NALF1: variants seen among roughly 807,000 people sequenced by gnomAD.
The protein encoded by NALF1 is family with sequence similarity 155 member A.
A neutral mutation model predicts 48.4 loss-of-function variants in NALF1; 3 were observed. The ratio of observed to expected loss-of-function variants is 0.06; its 90% CI spans 0.03 to 0.16. NALF1 has a LOEUF of 0.16. Among genes scored for constraint, NALF1 ranks in the 10% least tolerant of loss-of-function variants. The pLI is 1.00. For synonymous variants in NALF1, 262 were observed against 245.7 expected, an observed-to-expected ratio of 1.07 and a Z score of -0.62; for missense variants, 526 against 571.5, an observed-to-expected ratio of 0.92 and a Z score of 0.81.
At chr13:107,298,585 C>T (rs1881772692) in intron 1 of NALF1, among the ~76,000 whole-genome samples, 1 of 151,692 alleles carries the variant, frequency 6.6e-6, no homozygotes, top group East Asian at 2.0e-4. Flanking sequence ...GCATGCACCA[C>T]CACACCTGGC....
At chr13:107,181,481 GTT>G (rs1879059955) in intron 2 of NALF1, among the ~76,000 whole-genome samples, 2 of 150,202 alleles carry the variant, frequency 1.3e-5, no homozygotes, top group Admixed American at 6.6e-5. Context: ...TTTTTGCTGT[GTT>G]TTGTTTTAGT....
At chr13:107,822,781 T>C (rs779556422) in intron 1 of NALF1, among the ~76,000 whole-genome samples, 4 of 152,186 alleles carry the variant, frequency 2.6e-5, no homozygotes, top group South Asian at 2.1e-4. Context: ...TGGAAAGATA[T>C]GAAGATTTAG....
rs539665430 is a variant in NALF1, at chr13:107,663,430, G to A, written c.915+202252C>T. On this transcript the variant is annotated intron_variant, in intron 1 of 2. Coordinates refer to ENST00000375915, the MANE Select transcript of NALF1 (RefSeq NM_001080396.3). ...AGTGCTGGAAAAACACACAGTTAAG[G>A]CCTCTTCAGCATTTGAGTCTTCGGT... is the stretch of plus-strand genomic sequence containing the variant. 2.0e-5 allele frequency among the ~76,000 whole-genome samples: 3 copies of A among 152,080 alleles called. No homozygotes were observed. The East Asian group carries it at 5.8e-4, about 29-fold the overall frequency.
At chr13:107,408,012 A>T (rs938418332) in intron 1 of NALF1, among the ~76,000 whole-genome samples, 2 of 152,038 alleles carry the variant, frequency 1.3e-5, no homozygotes, top group Non-Finnish European at 2.9e-5. Context: ...TAAAAGACAA[A>T]CTTCACATTT....
chr13:107,704,291 A>C (rs1296782509), intron 1 of NALF1, among the ~76,000 whole-genome samples: 1 of 152,000 alleles, frequency 6.6e-6, no homozygotes, highest in Non-Finnish European at 1.5e-5. Flanking sequence ...TGAATTATTT[A>C]TTTCTTTTAT....
At chr13:107,650,363 T>C (rs1302370352) in intron 1 of NALF1, among the ~76,000 whole-genome samples, 1 of 131,666 alleles carries the variant, frequency 7.6e-6, no homozygotes, top group Non-Finnish European at 1.6e-5. Context: ...TTGGCCAACG[T>C]TGCCATTTGA....
At chr13:107,535,214 T>C (rs1024706502) in intron 1 of NALF1, among the ~76,000 whole-genome samples, 1 of 152,100 alleles carries the variant, frequency 6.6e-6, no homozygotes, top group South Asian at 2.1e-4. Flanking sequence ...CTTCCAACAC[T>C]ATGTTGAATA....
chr13:107,677,204 A>T (rs4772909), intron 1 of NALF1, among the ~76,000 whole-genome samples: 1 of 152,010 alleles, frequency 6.6e-6, no homozygotes, highest in Non-Finnish European at 1.5e-5. Flanking sequence ...ACATCACCAC[A>T]CTCAGCTAAG....
chr13:107,239,808 A>AT (rs972995317), intron 1 of NALF1, among the ~76,000 whole-genome samples: 1 of 152,088 alleles, frequency 6.6e-6, no homozygotes, highest in African/African-American at 2.4e-5. Flanking sequence ...CAAAATACGT[A>AT]TTTTCCCAAT....
chr13:107,604,978 G>GA (rs1391303236), intron 1 of NALF1, among the ~76,000 whole-genome samples: 5 of 152,090 alleles, frequency 3.3e-5, no homozygotes, highest in Admixed American at 1.3e-4. Flanking sequence ...CTCATTACAA[G>GA]AAAGTATACT....
intron 1 of NALF1, among the ~76,000 whole-genome samples, chr13:107,569,407 G>T (rs993836736): frequency 2.0e-5 from 3 of 151,982 alleles, no homozygotes; most frequent in Admixed American, 1.3e-4. Context: ...GGGGGGCGGA[G>T]CTTGCAGTGA....
intron 1 of NALF1, among the ~76,000 whole-genome samples, chr13:107,514,049 G>A (rs115953058): frequency 0.023 from 3,463 of 152,200 alleles, 135 homozygotes; most frequent in African/African-American, 0.078. Context: ...ACAAGCAGCC[G>A]CTCCTAGAGA....
chr13:107,591,738 T>G (rs1878606976), intron 1 of NALF1, among the ~76,000 whole-genome samples: 3 of 152,042 alleles, frequency 2.0e-5, no homozygotes, highest in Admixed American at 1.3e-4. Flanking sequence ...TCTCAGTATT[T>G]GCTTTTCAAA....
intron 1 of NALF1, among the ~76,000 whole-genome samples, chr13:107,527,047 T>A (rs551654750): frequency 6.6e-6 from 1 of 152,268 alleles, no homozygotes; most frequent in East Asian, 1.9e-4. Flanking sequence ...TAAGCCCCAA[T>A]GTTTGCAATG....
intron 1 of NALF1, among the ~76,000 whole-genome samples, chr13:107,849,132 T>G (rs1880247855): frequency 6.6e-6 from 1 of 152,220 alleles, no homozygotes; most frequent in Non-Finnish European, 1.5e-5. Flanking sequence ...CATTAGGGAT[T>G]TAGCTTCTTC....
At chr13:107,749,128 T>TTGTGTGTGTGTGTG (rs58213843) in intron 1 of NALF1, among the ~76,000 whole-genome samples, 2,100 of 147,416 alleles carry the variant, frequency 0.014, 40 homozygotes, top group African/African-American at 0.041. Context: ...ATGTCTATAA[T>TTGTGTGTGTGTGTG]TGTGTGTGTG....
chr13:107,392,715 A>G (rs752050887), intron 1 of NALF1, among the ~76,000 whole-genome samples: 3 of 152,004 alleles, frequency 2.0e-5, no homozygotes, highest in Non-Finnish European at 4.4e-5. Context: ...ATGTGTGTGT[A>G]ATCTCAAGTA....
intron 1 of NALF1, among the ~76,000 whole-genome samples, chr13:107,715,343 C>T (rs1056111842): frequency 6.6e-6 from 1 of 152,060 alleles, no homozygotes; most frequent in East Asian, 1.9e-4. Context: ...GCTGGGATTA[C>T]AGGCATGTAC....
At chr13:107,415,970 C>T (rs77615174) in intron 1 of NALF1, among the ~76,000 whole-genome samples, 2,098 of 152,142 alleles carry the variant, frequency 0.014, 18 homozygotes, top group Middle Eastern at 0.048. Flanking sequence ...CCTTGAACAA[C>T]ACAGGTTTGA....
Sources: allele counts gnomAD v4.1 joint callset (sites outside exome capture counted in the v4.1 genomes callset), GRCh38; gene constraint gnomAD v4.1.1; transcripts MANE v1.5; gene names NCBI Gene and HGNC (gene_info 2026-07-23, HGNC 2026-07-21).